ARID3B: variants seen among roughly 807,000 people sequenced by gnomAD.
ARID3B encodes AT-rich interactive domain-containing protein 3B.
ARID3B carries 10 observed loss-of-function variants against 51.9 expected under a neutral mutation model. The observed-to-expected ratio is 0.19, with a 90% CI of 0.12 to 0.33. The LOEUF (loss-of-function observed/expected upper bound fraction) is 0.33. Among genes scored for constraint, ARID3B ranks in the 10% least tolerant of loss-of-function variants. The pLI, the probability that ARID3B is intolerant of heterozygous loss-of-function variation, is 1.00. For missense variants in ARID3B, 483 were observed against 716.3 expected (o/e 0.67, Z 3.72); for synonymous variants, 205 against 279.5 (o/e 0.73, Z 2.66).
chr15:74,566,499 A>C (rs1010140090), intron 2 of ARID3B, among the ~76,000 whole-genome samples: 1 of 151,836 alleles, frequency 6.6e-6, no homozygotes, highest in African/African-American at 2.4e-5. Context: ...GCTGCTCAGG[A>C]GGCTGAGGCA....
chr15:74,565,787 G>A (rs117159409), intron 2 of ARID3B, among the ~76,000 whole-genome samples: 1 of 150,506 alleles, frequency 6.6e-6, no homozygotes, highest in East Asian at 2.0e-4. Context: ...TAGCCTTCTT[G>A]GATCAGGAGA....
intron 2 of ARID3B, among the ~76,000 whole-genome samples, chr15:74,555,689 A>T (rs2061654819): frequency 6.6e-6 from 1 of 151,876 alleles, no homozygotes; most frequent in Non-Finnish European, 1.5e-5. Flanking sequence ...TGACACCTAG[A>T]ACAGTGAATC....
Position 74,593,157 on chromosome 15 carries a change from G to A in ARID3B, c.1440G>A (p.Ser480=), listed in dbSNP as rs566335618. The part of the protein sequence containing the change: ...INGREDRAEA[S]AAALNLTTSS... ...CAGCAGAAGACAGAGCAGAGGCCTC[G>A]GCTGCAGCACTGAACCTGACCACGA... The change falls in exon 8 of 9, where the codon TCG becomes TCA. Residue 480 remains serine, a synonymous_variant. Coordinates refer to ENST00000346246, the MANE Select transcript of ARID3B (RefSeq NM_006465.4). The A allele has an allele frequency of 3.2e-5, 52 of 1,613,354 alleles. 1 individual carries two copies. The highest frequency in any genetic ancestry group is 1.8e-4 in the East Asian group (8 of 44,858).
At chr15:74,542,353 C>G (rs1459233916) in intron 1 of ARID3B, among the ~76,000 whole-genome samples, 2 of 152,110 alleles carry the variant, frequency 1.3e-5, no homozygotes, top group Non-Finnish European at 2.9e-5. Context: ...TTGCTGCAAG[C>G]GTAACTCACA....
At chr15:74,555,188 C>G (rs994670896) in intron 2 of ARID3B, among the ~76,000 whole-genome samples, 1 of 152,094 alleles carries the variant, frequency 6.6e-6, no homozygotes, top group South Asian at 2.1e-4. Context: ...GAGCCTTCAG[C>G]GAGTTGTAAT....
chr15:74,561,263 G>A (rs8023865), intron 2 of ARID3B, among the ~76,000 whole-genome samples: 40,722 of 151,958 alleles, frequency 0.27, 7,479 homozygotes, highest in East Asian at 0.55. Flanking sequence ...GTTTTTAATC[G>A]TAGCTCTTTA....
At chr15:74,547,148 CT>C (rs905674131) in intron 2 of ARID3B, among the ~76,000 whole-genome samples, 6 of 151,626 alleles carry the variant, frequency 4.0e-5, no homozygotes, top group South Asian at 4.2e-4. Context: ...TGACACAGAT[CT>C]TTCCCCCCCG....
At chr15:74,575,594 T>C (rs1640276351) in intron 4 of ARID3B, among the ~76,000 whole-genome samples, 1 of 152,248 alleles carries the variant, frequency 6.6e-6, no homozygotes. Context: ...CTTTGCTGCA[T>C]ATCCTGCTGT....
chr15:74,557,998 T>G (rs2141453748), intron 2 of ARID3B, among the ~76,000 whole-genome samples: 1 of 151,940 alleles, frequency 6.6e-6, no homozygotes, highest in East Asian at 1.9e-4. Context: ...ATTTTTTGTA[T>G]TTTTAGTAGA....
intron 4 of ARID3B, 195 bp downstream of exon 4, chr15:74,573,399 A>C (rs1440187521): frequency 2.3e-5 from 14 of 613,214 alleles, no homozygotes; most frequent in African/African-American, 3.7e-5. Flanking sequence ...GTTGGCACAA[A>C]GTAGATGGAA....
intron 2 of ARID3B, among the ~76,000 whole-genome samples, chr15:74,567,112 G>C (rs1442439181): frequency 6.6e-6 from 1 of 151,982 alleles, no homozygotes; most frequent in African/African-American, 2.4e-5. Flanking sequence ...CCTCCCCACT[G>C]TTCACAGTTC....
At chr15:74,555,473 G>A (rs4887158) in intron 2 of ARID3B, among the ~76,000 whole-genome samples, 27,159 of 151,924 alleles carry the variant, frequency 0.18, 3,553 homozygotes, top group East Asian at 0.42. Flanking sequence ...GGGGCCACGG[G>A]CATGTGTCAC....
rs1254577911 is a variant in ARID3B, at chr15:74,593,238, T to A, written c.1519+2T>A. The A allele has an allele frequency of 6.2e-7, 1 of 1,611,308 alleles. No homozygotes were observed. The highest frequency in any genetic ancestry group is 8.5e-7 in the Non-Finnish European group (1 of 1,179,212). Reference sequence around the variant, plus strand: ...ACATCGATGGCACCACCTATGCAGGTGAGGCCCTGGAGCTCTGGGGGAGGC... The same window carrying A: ...ACATCGATGGCACCACCTATGCAGGAGAGGCCCTGGAGCTCTGGGGGAGGC... On this transcript the variant is annotated splice_donor_variant, in intron 8 of 8. Transcript: ENST00000346246. LOFTEE classifies it high-confidence loss of function.
chr15:74,558,863 C>T (rs1196005386), intron 2 of ARID3B, among the ~76,000 whole-genome samples: 1 of 152,016 alleles, frequency 6.6e-6, no homozygotes, highest in Non-Finnish European at 1.5e-5. Flanking sequence ...TTTGTTTTTC[C>T]CTCTGCTGGG....
At chr15:74,580,152 C>T (rs1457048135) in intron 4 of ARID3B, among the ~76,000 whole-genome samples, 1 of 152,178 alleles carries the variant, frequency 6.6e-6, no homozygotes, top group Non-Finnish European at 1.5e-5. Flanking sequence ...GATTGCACCA[C>T]AGCCTGAGCA....
chr15:74,570,462 C>CAGAAAA (rs2061715073), intron 2 of ARID3B, among the ~76,000 whole-genome samples: 1 of 64,592 alleles, frequency 1.5e-5, no homozygotes, highest in Non-Finnish European at 3.3e-5. Flanking sequence ...CTATAATTAG[C>CAGAAAA]AAAAAAAAAA....
intron 2 of ARID3B, among the ~76,000 whole-genome samples, chr15:74,548,355 G>C (rs1424134279): frequency 6.6e-6 from 1 of 152,150 alleles, no homozygotes; most frequent in African/African-American, 2.4e-5. Context: ...AAGAAAGATG[G>C]CTTGGCAGGC....
chr15:74,570,256 T>G (rs1342509156), intron 2 of ARID3B, among the ~76,000 whole-genome samples: 1 of 152,162 alleles, frequency 6.6e-6, no homozygotes, highest in Non-Finnish European at 1.5e-5. Flanking sequence ...ATTCTCCATG[T>G]GTGGAGCCGA....
chr15:74,559,395 A>G (rs1007127268), intron 2 of ARID3B, among the ~76,000 whole-genome samples: 1 of 152,216 alleles, frequency 6.6e-6, no homozygotes, highest in Non-Finnish European at 1.5e-5. Context: ...CCTTCACATC[A>G]GACTATCCTC....
Sources: gnomAD v4.1 joint callset for allele counts (sites outside exome capture counted in the v4.1 genomes callset) on GRCh38, gnomAD v4.1.1 for gene constraint, MANE v1.5 for transcripts, NCBI Gene and HGNC (gene_info 2026-07-23, HGNC 2026-07-21) for gene names.